Variants in CRACD observed in about 807,000 individuals in gnomAD.
CRACD encodes capping protein-inhibiting regulator of actin dynamics.
In CRACD, 56 loss-of-function variants were observed where a neutral mutation model predicts 106.8. That is an observed-to-expected ratio of 0.52 (90% confidence interval 0.42 to 0.66). The LOEUF (loss-of-function observed/expected upper bound fraction) is 0.66. Ranked by LOEUF, CRACD falls within the 30% of genes least tolerant of loss-of-function variation. The probability of loss-of-function intolerance (pLI) is 0.00; values close to 1 mark genes in which losing one functional copy is unlikely to be tolerated. For synonymous variants in CRACD, 754 were observed against 670.8 expected (o/e 1.12, Z -1.92); for missense variants, 1,730 against 1,623.2 (o/e 1.07, Z -1.13).
intron 1 of CRACD, among the ~76,000 whole-genome samples, chr4:56,135,264 A>T (rs999051858): frequency 2.0e-5 from 3 of 152,176 alleles, no homozygotes; most frequent in African/African-American, 7.2e-5. Flanking sequence ...AGCATGGGTG[A>T]CAGAGTGAGA....
chr4:56,259,308 A>G (rs933977024), intron 2 of CRACD, among the ~76,000 whole-genome samples: 8 of 152,016 alleles, frequency 5.3e-5, no homozygotes, highest in Admixed American at 3.3e-4. Flanking sequence ...TCTAGGTGGG[A>G]GAGAATTCTG....
In CRACD at chr4:56,252,373, G is replaced by C. The variant is rs6830458; in HGVS notation, c.-188-19948G>C. Among the ~76,000 whole-genome samples, 805 of 152,126 alleles carry C rather than the reference G, an allele frequency of 5.3e-3. 10 individuals are homozygous for C. Among genetic ancestry groups the C allele is most frequent in the African/African-American group, 0.018 (742 of 41,502 alleles). On this transcript the variant is annotated intron_variant, in intron 2 of 10. Transcript: ENST00000682029. The stretch of plus-strand genomic sequence containing the variant: ...CAGGGATTTTTTTTTCCCCTAACAG[G>C]CTCCATCTTCTTACATGAGGCCAGA...
intron 3 of CRACD, among the ~76,000 whole-genome samples, chr4:56,274,354 A>G (rs1742547563): frequency 6.6e-6 from 1 of 152,242 alleles, no homozygotes; most frequent in Admixed American, 6.5e-5. Context: ...AAGTCTGGAA[A>G]GTTCTCCCTT....
chr4:56,144,667 T>A (rs1255391804), intron 1 of CRACD, among the ~76,000 whole-genome samples: 1 of 151,890 alleles, frequency 6.6e-6, no homozygotes, highest in East Asian at 1.9e-4. Context: ...CTTCTTTTTT[T>A]TTTTTTGAAA....
intron 4 of CRACD, among the ~76,000 whole-genome samples, chr4:56,301,554 A>G (rs1010416467): frequency 1.3e-5 from 2 of 152,146 alleles, no homozygotes; most frequent in Non-Finnish European, 2.9e-5. Context: ...CTGAGATGAG[A>G]TGTCTACTGG....
At chr4:56,192,347 G>A (rs575167498) in intron 2 of CRACD, among the ~76,000 whole-genome samples, 144 of 151,878 alleles carry the variant, frequency 9.5e-4, no homozygotes, top group Admixed American at 1.9e-3. Flanking sequence ...AGCCAAGATC[G>A]TGCCAATGCA....
intron 2 of CRACD, among the ~76,000 whole-genome samples, chr4:56,184,167 T>C (rs569429284): frequency 1.3e-5 from 2 of 152,168 alleles, no homozygotes; most frequent in African/African-American, 4.8e-5. Context: ...GCCTCCCAGG[T>C]TCAAGTGATT....
intron 1 of CRACD, among the ~76,000 whole-genome samples, chr4:56,080,001 A>G (rs148373667): frequency 1.5e-3 from 234 of 152,260 alleles, no homozygotes; most frequent in African/African-American, 5.6e-3. Context: ...AATTAGTGTT[A>G]TTAGCTGAGC....
intron 1 of CRACD, among the ~76,000 whole-genome samples, chr4:56,108,624 G>A (rs527322283): frequency 5.3e-5 from 8 of 152,122 alleles, no homozygotes; most frequent in African/African-American, 1.4e-4. Flanking sequence ...GGCTGGGCGC[G>A]CTGATATTTA....
Position 56,315,608 on chromosome 4 carries a change from G to T in CRACD, c.2106G>T (p.Arg702=). 2.5e-6 allele frequency: 4 copies of T among 1,614,210 alleles called. No homozygotes were observed. Among genetic ancestry groups the T allele is most frequent in the Non-Finnish European group, 3.4e-6 (4 of 1,180,040 alleles). ...GTGATGAGTCCACTCCCAGGGGCCG[G>T]TGTGATTCCCGCGGGAACCAACGGA... ...RPGDESTPRG[R]CDSRGNQRKT... is the part of the protein sequence containing the mutation. The change falls in exon 8 of 11, where the codon CGG becomes CGT. Residue 702 remains arginine, a synonymous_variant. Transcript: ENST00000682029. This position sits in a 1 kb window ranked among gnomAD's most constrained non-coding sequence, Gnocchi z 4.1.
intron 1 of CRACD, among the ~76,000 whole-genome samples, chr4:56,089,996 A>G (rs1329078103): frequency 1.3e-5 from 2 of 152,136 alleles, no homozygotes; most frequent in African/African-American, 4.8e-5. Context: ...ATTTTAAAAT[A>G]GTTTCATTTG....
chr4:56,129,361 C>T (rs550625891), intron 1 of CRACD, among the ~76,000 whole-genome samples: 44 of 152,308 alleles, frequency 2.9e-4, no homozygotes, highest in Non-Finnish European at 4.7e-4. Flanking sequence ...AGCCCCACAC[C>T]GGCCAAAATT....
At chr4:56,273,619 C>T (rs918564833) in intron 3 of CRACD, among the ~76,000 whole-genome samples, 7 of 152,080 alleles carry the variant, frequency 4.6e-5, no homozygotes, top group African/African-American at 9.7e-5. Flanking sequence ...AAACCTTTTC[C>T]GACAACCCCA....
At chr4:56,298,820 C>CT (rs1323069908) in intron 4 of CRACD, among the ~76,000 whole-genome samples, 1 of 152,116 alleles carries the variant, frequency 6.6e-6, no homozygotes, top group African/African-American at 2.4e-5. Flanking sequence ...GTAATCCCAG[C>CT]TACAAGGGAG....
intron 1 of CRACD, among the ~76,000 whole-genome samples, chr4:56,154,009 C>T (rs1735680286): frequency 6.6e-6 from 1 of 152,166 alleles, no homozygotes; most frequent in Non-Finnish European, 1.5e-5. Context: ...GCTTATTTTA[C>T]TTTCTATTAG....
At chr4:56,116,827 C>A (rs1159000844) in intron 1 of CRACD, among the ~76,000 whole-genome samples, 2 of 151,788 alleles carry the variant, frequency 1.3e-5, no homozygotes, top group African/African-American at 4.8e-5. Context: ...CCTGCCTCAG[C>A]CTCCCCAGTA....
intron 1 of CRACD, among the ~76,000 whole-genome samples, chr4:56,158,220 A>G (rs990738413): frequency 6.6e-6 from 1 of 152,244 alleles, no homozygotes. Flanking sequence ...CTGTATCTCT[A>G]TGTTGTGCCT....
At position 56,149,185 on chromosome 4, in the gene CRACD, TC is replaced by T. The variant is rs1421739991; in HGVS notation, c.-335-30096del. ...CCATGGCAAGAATGAAACAGTGAGATCCCTGTCTTTTTCCTCTTTTCTCTAG... is the reference window on the plus strand; with the variant it reads ...CCATGGCAAGAATGAAACAGTGAGATCCTGTCTTTTTCCTCTTTTCTCTAG... On this transcript the variant is annotated intron_variant, in intron 1 of 10. Coordinates refer to ENST00000682029, the MANE Select transcript of CRACD (RefSeq NM_001393381.1). Among the ~76,000 whole-genome samples the T allele has an allele frequency of 2.6e-5, 4 of 152,210 alleles. 1 individual carries two copies. Among genetic ancestry groups the T allele is most frequent in the African/African-American group, 9.6e-5 (4 of 41,534 alleles).
intron 2 of CRACD, among the ~76,000 whole-genome samples, chr4:56,206,482 A>G (rs963053225): frequency 6.6e-6 from 1 of 152,230 alleles, no homozygotes; most frequent in Non-Finnish European, 1.5e-5. Flanking sequence ...GCCCAGCTAT[A>G]AATCATGGGT....
Sources: allele counts gnomAD v4.1 joint callset (sites outside exome capture counted in the v4.1 genomes callset), GRCh38; gene constraint gnomAD v4.1.1; non-coding constraint Gnocchi (gnomAD v3.1); transcripts MANE v1.5; gene names NCBI Gene and HGNC (gene_info 2026-07-23, HGNC 2026-07-21).